ZNRF3: variants seen among roughly 807,000 people sequenced by gnomAD.
ZNRF3 encodes the protein zinc and ring finger 3.
In ZNRF3, 23 loss-of-function variants were observed where a neutral mutation model predicts 72.5. The observed-to-expected ratio is 0.32, with a 90% confidence interval of 0.23 to 0.45. ZNRF3 has a LOEUF of 0.45. ZNRF3 is among the 20% of genes least tolerant of loss of function. The pLI is 1.00. For missense variants in ZNRF3, 1,169 were observed against 1,272.1 expected (o/e 0.92, Z 1.23); for synonymous variants, 610 against 545.3 (o/e 1.12, Z -1.65).
chr22:29,036,292 A>T (rs897876591), intron 2 of ZNRF3, among the ~76,000 whole-genome samples: 3 of 152,230 alleles, frequency 2.0e-5, no homozygotes, highest in Non-Finnish European at 2.9e-5. Context: ...AAGATATTAG[A>T]GCTCAGAGAG....
Position 29,050,638 on chromosome 22 carries a change from C to T in ZNRF3, c.2457C>T (p.Tyr819=), listed in dbSNP as rs1403934262. ...TLTEEPPPGC[Y]PGARDLSQRI... is the part of the protein sequence containing the mutation. Reference sequence around the variant, plus strand: ...CCGAGGAACCACCGCCCGGCTGCTACCCCGGGGCCCGGGACCTGAGCCAGC... The same window carrying T: ...CCGAGGAACCACCGCCCGGCTGCTATCCCGGGGCCCGGGACCTGAGCCAGC... Residue 819 remains tyrosine, a synonymous_variant, in exon 8 of 9, where the codon TAC becomes TAT. Transcript: ENST00000544604. 1.9e-6 allele frequency: 3 copies of T among 1,611,710 alleles called. No individual in the cohort carries two copies. Among genetic ancestry groups the T allele is most frequent in the Non-Finnish European group, 2.5e-6 (3 of 1,179,384 alleles).
intron 4 of ZNRF3, 102 bp from the exon 5 acceptor site, chr22:29,044,678 C>G (rs942196950): frequency 5.0e-6 from 4 of 794,582 alleles, no homozygotes; most frequent in Non-Finnish European, 8.9e-6. Flanking sequence ...GGAAACTCAT[C>G]CCGGTCACCC....
chr22:28,982,742 G>T (rs2035788039), intron 1 of ZNRF3, among the ~76,000 whole-genome samples: 1 of 152,068 alleles, frequency 6.6e-6, no homozygotes, highest in Non-Finnish European at 1.5e-5. Flanking sequence ...TTCACATAAT[G>T]ACTACTTCTG....
At chr22:28,896,791 GTA>G (rs1282075688) in intron 1 of ZNRF3, among the ~76,000 whole-genome samples, 2 of 152,200 alleles carry the variant, frequency 1.3e-5, no homozygotes, top group Non-Finnish European at 2.9e-5. Context: ...TTAAATAAAG[GTA>G]GCTTGTGGCT....
At chr22:28,899,459 C>T (rs1044562878) in intron 1 of ZNRF3, among the ~76,000 whole-genome samples, 9 of 152,292 alleles carry the variant, frequency 5.9e-5, no homozygotes, top group Admixed American at 2.0e-4. Flanking sequence ...TGCCAAGCCC[C>T]GGCGGATGTG....
At chr22:28,972,619 T>C (rs1017520117) in intron 1 of ZNRF3, among the ~76,000 whole-genome samples, 2 of 152,224 alleles carry the variant, frequency 1.3e-5, no homozygotes, top group Admixed American at 1.3e-4. Flanking sequence ...CTTGGGTATA[T>C]ACTCAGGAGT....
intron 2 of ZNRF3, among the ~76,000 whole-genome samples, chr22:29,032,034 C>T (rs904727351): frequency 2.8e-4 from 42 of 152,332 alleles, no homozygotes; most frequent in Non-Finnish European, 4.6e-4. Flanking sequence ...AGAGCCAAGG[C>T]GCCAGAGCTT....
chr22:28,951,517 C>T (rs935821703), intron 1 of ZNRF3, among the ~76,000 whole-genome samples: 2 of 152,196 alleles, frequency 1.3e-5, no homozygotes, highest in African/African-American at 4.8e-5. Context: ...AGGTGTGGAA[C>T]AGATTCCCTC....
intron 2 of ZNRF3, among the ~76,000 whole-genome samples, chr22:29,003,450 C>T (rs1412889319): frequency 6.7e-6 from 1 of 148,406 alleles, no homozygotes; most frequent in Admixed American, 6.8e-5. Flanking sequence ...GGAGGTGGAG[C>T]TTGCAGTGAG....
chr22:29,014,373 C>T (rs2036397540), intron 2 of ZNRF3, among the ~76,000 whole-genome samples: 1 of 152,158 alleles, frequency 6.6e-6, no homozygotes, highest in African/African-American at 2.4e-5. Context: ...AGCAGTCCCC[C>T]GGCCTGCAGG....
Position 29,030,947 on chromosome 22 carries a change from G to A in ZNRF3, c.427-11548G>A, listed in dbSNP as rs1002263460. ...CCGGGCTGCAGCCAAGCCCTGGAGCGAGGAGCCGGCGGGTGGAGCTGGCAG... is the reference window on the plus strand; with the variant it reads ...CCGGGCTGCAGCCAAGCCCTGGAGCAAGGAGCCGGCGGGTGGAGCTGGCAG... On this transcript the variant is annotated intron_variant, in intron 2 of 8. Transcript: ENST00000544604. The surrounding 1 kb of genome is among the most constrained non-coding windows in gnomAD (Gnocchi z 4.2). 1.3e-5 allele frequency: 2 copies of A among 152,512 alleles called. No individual in the cohort carries two copies. Among genetic ancestry groups the A allele is most frequent in the Non-Finnish European group, 2.9e-5 (2 of 68,314 alleles). 9.4% of individuals were successfully genotyped at this position (152,512 alleles called of 1,614,324 possible).
intron 1 of ZNRF3, among the ~76,000 whole-genome samples, chr22:28,910,607 A>G (rs1267307773): frequency 6.6e-6 from 1 of 152,222 alleles, no homozygotes; most frequent in Non-Finnish European, 1.5e-5. Flanking sequence ...TTTTCTGAAT[A>G]GTGTTCACAG....
intron 1 of ZNRF3, among the ~76,000 whole-genome samples, chr22:28,970,799 C>T (rs2035559470): frequency 6.6e-6 from 1 of 152,124 alleles, no homozygotes; most frequent in Non-Finnish European, 1.5e-5. Flanking sequence ...TGTGGAATTC[C>T]AGAAAATATA....
At chr22:28,890,494 C>T (rs1259622317) in intron 1 of ZNRF3, among the ~76,000 whole-genome samples, 1 of 151,992 alleles carries the variant, frequency 6.6e-6, no homozygotes, top group Admixed American at 6.6e-5. Context: ...AGCAAGACTC[C>T]GTCTCAAAAT....
In ZNRF3 at chr22:28,970,506, G is replaced by A. The variant is rs563058200; in HGVS notation, c.301-16570G>A. 5.3e-5 allele frequency among the ~76,000 whole-genome samples: 8 copies of A among 152,264 alleles called. No individual in the cohort carries two copies. The South Asian group carries it at 1.7e-3, about 32-fold the overall frequency. Reference sequence around the variant, plus strand: ...ACCATGTGACCCAGGTATTCCACCCGTAGGTATTTACACAAGAGAAATAAA... The same window carrying A: ...ACCATGTGACCCAGGTATTCCACCCATAGGTATTTACACAAGAGAAATAAA... On this transcript the variant is annotated intron_variant, in intron 1 of 8. Coordinates refer to ENST00000544604, the MANE Select transcript of ZNRF3 (RefSeq NM_001206998.2).
chr22:28,948,125 G>A (rs2035087593), intron 1 of ZNRF3, among the ~76,000 whole-genome samples: 1 of 141,572 alleles, frequency 7.1e-6, no homozygotes, highest in South Asian at 2.3e-4. Context: ...TTACAGGTGT[G>A]AGCCACTGCG....
intron 6 of ZNRF3, 21 bp downstream of exon 6, chr22:29,046,904 G>T (rs779160863): frequency 8.0e-6 from 12 of 1,502,156 alleles, no homozygotes; most frequent in Non-Finnish European, 7.2e-6. Context: ...AAGCAGGCCC[G>T]TCCTGGGTGG....
At chr22:28,962,549 A>G (rs2035382459) in intron 1 of ZNRF3, among the ~76,000 whole-genome samples, 1 of 152,230 alleles carries the variant, frequency 6.6e-6, no homozygotes, top group Admixed American at 6.5e-5. Flanking sequence ...CAGGCAGGCC[A>G]TGATAGGATC....
intron 5 of ZNRF3, 113 bp from the exon 6 acceptor site, chr22:29,046,603 C>A (rs369967485): frequency 1.6e-6 from 2 of 1,218,598 alleles, no homozygotes; most frequent in African/African-American, 1.5e-5. Context: ...AAGTCTGTTC[C>A]GGCATGATAG....
Sources: allele counts gnomAD v4.1 joint callset (sites outside exome capture counted in the v4.1 genomes callset), GRCh38; gene constraint gnomAD v4.1.1; non-coding constraint Gnocchi (gnomAD v3.1); transcripts MANE v1.5; gene names NCBI Gene and HGNC (gene_info 2026-07-23, HGNC 2026-07-21).